The following INTS6L variants were observed in gnomAD, a reference collection of about 807,000 sequenced individuals.
The protein encoded by INTS6L is integrator complex subunit 6 like, also known as integrator complex subunit 6-like.
In INTS6L, 18 loss-of-function variants were observed where a neutral mutation model predicts 64.7. That is an observed-to-expected ratio of 0.28 (90% CI 0.19 to 0.41). The LOEUF (loss-of-function observed/expected upper bound fraction) is 0.41, where lower values mean the gene tolerates loss of function less well. Ranked by LOEUF, INTS6L falls within the 10% of genes least tolerant of loss-of-function variation. The probability of loss-of-function intolerance (pLI) is 1.00; values close to 1 mark genes in which losing one functional copy is unlikely to be tolerated. For missense variants in INTS6L, 533 were observed against 661.0 expected (o/e 0.81, Z 2.12); for synonymous variants, 227 against 235.9 (o/e 0.96, Z 0.34).
Position 135,580,898 on chromosome X carries a change from A to T in INTS6L, c.2495-152A>T, listed in dbSNP as rs1243106832. ...TAGTGTTAACAAGAGTTGCCCTAGT[A>T]GATGCATGCAGATATTTTGATAAGA... On this transcript the variant is annotated intron_variant, in intron 16 of 17. Transcript: ENST00000639893. 6 of 404,196 alleles carry T rather than the reference A, an allele frequency of 1.5e-5. No homozygotes were observed. The African/African-American group carries it at 1.6e-4, about 10-fold the overall frequency. The allele number at this position is 404,196 out of a possible 1,213,427, so 33.3% of individuals were successfully genotyped here. A position where few individuals can be genotyped will look rare whatever the true frequency, so the allele number is the denominator to read the frequency against.
At chrX:135,539,895 T>C (rs1319547894) in intron 2 of INTS6L, among the ~76,000 whole-genome samples, 1 of 111,395 alleles carries the variant, frequency 9.0e-6, no homozygotes, top group East Asian at 2.8e-4. Flanking sequence ...GTGGGTATGG[T>C]TCATGGTGCC....
At chrX:135,576,755 GTTTAA>G (rs1307716868) in intron 14 of INTS6L, among the ~76,000 whole-genome samples, 3 of 112,317 alleles carry the variant, frequency 2.7e-5, no homozygotes, top group African/African-American at 9.7e-5. Context: ...AATCAATGTT[GTTTAA>G]TGATATGAGT....
chrX:135,570,265 CCTTA>C (rs1445831823), intron 10 of INTS6L, 167 bp from the exon 11 acceptor site: 5 of 371,528 alleles, frequency 1.3e-5, no homozygotes, highest in Non-Finnish European at 8.8e-6. Context: ...ACTTTCTGCT[CCTTA>C]CTTCTCTGCT....
At chrX:135,564,456 G>A (rs1556523801) in intron 9 of INTS6L, among the ~76,000 whole-genome samples, 1 of 110,669 alleles carries the variant, frequency 9.0e-6, no homozygotes, top group Non-Finnish European at 1.9e-5. Context: ...GGCCAGGCAC[G>A]GTGGCTCACA....
chrX:135,556,655 C>T (rs2086655004), intron 9 of INTS6L, among the ~76,000 whole-genome samples: 1 of 111,481 alleles, frequency 9.0e-6, no homozygotes, highest in South Asian at 3.7e-4. Flanking sequence ...GCTTGTTTCC[C>T]CTCAGAAGAT....
chrX:135,545,379 T>C, intron 2 of INTS6L, 44 bp from the exon 3 acceptor site: 1 of 1,193,597 alleles, frequency 8.4e-7, no homozygotes. Flanking sequence ...TATATATTGT[T>C]CATTGTATAA....
In INTS6L at chrX:135,549,726, C is replaced by G; in HGVS notation, c.827C>G (p.Pro276Arg). Reference sequence around the variant, plus strand: ...TGTCATAAACTCATTTATGTACGACCTAACTCTAAAACTGGTGTTCCTGTT... The same window carrying G: ...TGTCATAAACTCATTTATGTACGACGTAACTCTAAAACTGGTGTTCCTGTT... ...HSCHKLIYVR[P>R]NSKTGVPVGH... The change falls in exon 7 of 18, where the codon CCT becomes CGT. Residue 276 changes from proline to arginine, a missense_variant. Pro to Arg is a moderately radical substitution (Grantham distance 103). Coordinates refer to ENST00000639893, the MANE Select transcript of INTS6L (RefSeq NM_001351601.3). 1 of 1,211,912 alleles carries G rather than the reference C, an allele frequency of 8.3e-7. No homozygotes were observed. The highest frequency in any genetic ancestry group is 1.1e-6 in the Non-Finnish European group (1 of 895,338).
intron 6 of INTS6L, among the ~76,000 whole-genome samples, 187 bp from the exon 7 acceptor site, chrX:135,549,455 G>A (rs2086442667): frequency 1.8e-5 from 2 of 112,309 alleles, no homozygotes; most frequent in African/African-American, 3.2e-5. Context: ...TGGATTAGAC[G>A]AAAAGAGTTG....
intron 8 of INTS6L, among the ~76,000 whole-genome samples, chrX:135,555,804 C>T (rs930830675): frequency 1.8e-5 from 2 of 111,473 alleles, no homozygotes; most frequent in Admixed American, 9.5e-5. Context: ...TCCTCCTGCT[C>T]AGCCTCCCAA....
At chrX:135,573,837 T>C in intron 12 of INTS6L, 102 bp from the exon 13 acceptor site, 2 of 939,471 alleles carry the variant, frequency 2.1e-6, no homozygotes, top group East Asian at 6.9e-5. Context: ...GTCAGTTGTA[T>C]TGATATAACA....
intron 2 of INTS6L, among the ~76,000 whole-genome samples, chrX:135,526,395 T>G (rs1242463261): frequency 9.0e-6 from 1 of 111,541 alleles, no homozygotes; most frequent in African/African-American, 3.3e-5. Flanking sequence ...GCGCCCTCTC[T>G]TCTCTTCTCA....
Position 135,545,590 on chromosome X carries a change from G to T in INTS6L, c.339+18G>T. The stretch of plus-strand genomic sequence containing the variant: ...ATGGACAGGTAAAAATAATTTGAGT[G>T]AGTACAGCTAATTTATTTTGGTGGC... On this transcript the variant is annotated intron_variant, in intron 3 of 17. Coordinates refer to ENST00000639893, the MANE Select transcript of INTS6L (RefSeq NM_001351601.3). The T allele has an allele frequency of 8.5e-7, 1 of 1,178,069 alleles. No individual in the cohort carries two copies. Among genetic ancestry groups the T allele is most frequent in the Non-Finnish European group, 1.1e-6 (1 of 878,059 alleles).
intron 15 of INTS6L, 108 bp from the exon 16 acceptor site, chrX:135,579,667 ACCTGGTATATCAT>A (rs2087321073): frequency 3.0e-6 from 3 of 999,599 alleles, no homozygotes; most frequent in Admixed American, 3.2e-5. Flanking sequence ...TCAGATCGCC[ACCTGGTATATCAT>A]CCTGCTTTAT....
chrX:135,572,684 T>C (rs1556528360), intron 11 of INTS6L, 131 bp from the exon 12 acceptor site: 1 of 529,799 alleles, frequency 1.9e-6, no homozygotes, highest in African/African-American at 2.4e-5. Context: ...AAATGTTTAA[T>C]TATCCATTTT....
chrX:135,534,187 G>A (rs1556507125), intron 2 of INTS6L, among the ~76,000 whole-genome samples: 1 of 108,656 alleles, frequency 9.2e-6, no homozygotes, highest in East Asian at 2.8e-4. Context: ...AAATTTTCTA[G>A]ATCCTTATGA....
At chrX:135,576,965 G>A (rs782400873) in intron 14 of INTS6L, among the ~76,000 whole-genome samples, 2 of 111,354 alleles carry the variant, frequency 1.8e-5, no homozygotes, top group South Asian at 7.5e-4. Flanking sequence ...TTAAAATTGA[G>A]TTGCATATTT....
At chrX:135,548,108 G>A (rs954334543) in intron 6 of INTS6L, among the ~76,000 whole-genome samples, 2 of 109,565 alleles carry the variant, frequency 1.8e-5, no homozygotes, top group Non-Finnish European at 3.8e-5. Context: ...TGATTGTCTA[G>A]CCTGATTTAT....
chrX:135,566,563 A>G (rs1379769174), intron 9 of INTS6L, among the ~76,000 whole-genome samples: 1 of 111,800 alleles, frequency 8.9e-6, no homozygotes, highest in African/African-American at 3.2e-5. Flanking sequence ...TTTCAATCAA[A>G]TTAAGGTCAT....
intron 2 of INTS6L, among the ~76,000 whole-genome samples, chrX:135,536,866 C>T (rs782440768): frequency 1.8e-5 from 2 of 111,316 alleles, no homozygotes; most frequent in Non-Finnish European, 3.8e-5. Context: ...CAGCTTTATT[C>T]CTGATCAAAG....
Sources: gnomAD v4.1 joint callset for allele counts (sites outside exome capture counted in the v4.1 genomes callset) on GRCh38, gnomAD v4.1.1 for gene constraint, MANE v1.5 for transcripts, NCBI Gene and HGNC (gene_info 2026-07-23, HGNC 2026-07-21) for gene names.